TM9SF1: variants seen among roughly 807,000 people sequenced by gnomAD.
The protein encoded by TM9SF1 is transmembrane 9 superfamily member 1, also known as MP70 protein family member.
Under a neutral mutation model 52.4 loss-of-function variants are expected in TM9SF1, and 25 were observed. The ratio of observed to expected loss-of-function variants is 0.48; its 90% CI spans 0.35 to 0.67. TM9SF1 has a LOEUF of 0.67. TM9SF1 is among the 30% of genes least tolerant of loss of function. TM9SF1 has a pLI of 0.01. For synonymous variants in TM9SF1, 284 were observed against 299.8 expected (o/e 0.95, Z 0.55); for missense variants, 604 against 780.3 (o/e 0.77, Z 2.69).
rs768457649 is a variant in TM9SF1, at chr14:24,189,499, G to A, written c.1737C>T (p.Val579=). 6.2e-7 allele frequency: 1 copy of A among 1,614,196 alleles called. No individual in the cohort carries two copies. Among genetic ancestry groups the A allele is most frequent in the East Asian group, 2.2e-5 (1 of 44,880 alleles). Residue 579 remains valine, a synonymous_variant, in exon 6 of 6, where the codon GTC becomes GTT. Coordinates refer to ENST00000261789, the MANE Select transcript of TM9SF1 (RefSeq NM_006405.7). ...FFGYSLLTGY[V]FFLMLGTISF... is the part of the protein sequence containing the mutation. ...AGATGGTGCCCAGCATGAGGAAGAAGACATAACCAGTGAGTAAGGAGTAGC... is the reference window on the plus strand; with the variant it reads ...AGATGGTGCCCAGCATGAGGAAGAAAACATAACCAGTGAGTAAGGAGTAGC...
At chr14:24,193,999 G>A (rs1359063882) in intron 2 of TM9SF1, among the ~76,000 whole-genome samples, 1 of 151,942 alleles carries the variant, frequency 6.6e-6, no homozygotes, top group Non-Finnish European at 1.5e-5. Flanking sequence ...TGTCATAGTG[G>A]GGTTATCCCG....
chr14:24,190,576 T>C lies in TM9SF1; in HGVS notation c.1231A>G (p.Thr411Ala), dbSNP rs1330224358. ...NGSTQALPAT[T>A]ILLLLTVWLL... ...CAAACCGTCAGAAGCAGCAGGATGGTTGTGGCTGGCAGAGCCTGTGTCGAA... is the reference window on the plus strand; with the variant it reads ...CAAACCGTCAGAAGCAGCAGGATGGCTGTGGCTGGCAGAGCCTGTGTCGAA... The change falls in exon 5 of 6, where the codon ACC becomes GCC. Residue 411 changes from threonine (T) to alanine (A), a missense_variant. Thr to Ala is a moderately conservative substitution (Grantham distance 58). Coordinates refer to ENST00000261789, the MANE Select transcript of TM9SF1 (RefSeq NM_006405.7). The C allele has an allele frequency of 1.2e-6, 2 of 1,614,136 alleles. No individual in the cohort carries two copies. Among genetic ancestry groups the C allele is most frequent in the Non-Finnish European group, 1.7e-6 (2 of 1,180,032 alleles).
At chr14:24,189,864 TGGCTG>T in intron 5 of TM9SF1, 56 bp from the exon 6 acceptor site, 1 of 1,517,536 alleles carries the variant, frequency 6.6e-7, no homozygotes, top group Non-Finnish European at 8.8e-7. Context: ...ATCAGCACAG[TGGCTG>T]GGCTGAAATC....
Position 24,195,013 on chromosome 14 carries a change from C to T in TM9SF1, c.7G>A (p.Val3Ile). 6.2e-7 allele frequency: 1 copy of T among 1,613,496 alleles called. No individual in the cohort carries two copies. Among genetic ancestry groups the T allele is most frequent in the Non-Finnish European group, 8.5e-7 (1 of 1,179,678 alleles). Reference protein sequence around the residue: MTVVGNPRSWSCQ... With the variant: MTIVGNPRSWSCQ... ...CTCCAACTTCGAGGGTTCCCTACGA[C>T]TGTCATCCTTAAGGCAGTGGAACCT... The change falls in exon 2 of 6, where the codon GTC becomes ATC. Residue 3 changes from valine (V) to isoleucine (I), a missense_variant. Around this residue, in one of 3 missense-constraint regions of TM9SF1, gnomAD observed 47 missense variants for 39.7 expected, o/e 1.18. Transcript: ENST00000261789.
In TM9SF1 at chr14:24,192,506, A is replaced by G. The variant is rs992182681; in HGVS notation, c.967+142T>C. ...CTATCCAGAAAATCTACAATAGAAT[A>G]CGTGCATTCTTGCTAGAGCCACCCT... On this transcript the variant is annotated intron_variant, in intron 3 of 5. Transcript: ENST00000261789. The surrounding 1 kb of genome is among the most constrained non-coding windows in gnomAD (Gnocchi z 4.0). The G allele has an allele frequency of 1.3e-5, 17 of 1,353,998 alleles. No homozygotes were observed. The African/African-American group carries it at 1.6e-4, about 13-fold the overall frequency. The allele number at this position is 1,353,998 out of a possible 1,614,324, so 83.9% of individuals were successfully genotyped here.
At position 24,192,002 on chromosome 14, in the gene TM9SF1, G is replaced by C. The variant is rs966431593; in HGVS notation, c.1153+169C>G. 1.2e-5 allele frequency: 8 copies of C among 666,550 alleles called. No individual in the cohort carries two copies. Among genetic ancestry groups the C allele is most frequent in the East Asian group, 1.0e-4 (4 of 38,102 alleles). The allele number at this position is 666,550 out of a possible 1,614,324, so 41.3% of individuals were successfully genotyped here. A position where few individuals can be genotyped will look rare whatever the true frequency, so the allele number is the denominator to read the frequency against. On this transcript the variant is annotated intron_variant, in intron 4 of 5. Coordinates refer to ENST00000261789, the MANE Select transcript of TM9SF1 (RefSeq NM_006405.7). This position sits in a 1 kb window ranked among gnomAD's most constrained non-coding sequence, Gnocchi z 4.0. ...CGGCTAATTTTTTGTTATAGAGAGA[G>C]GGTCTCACTATGTTGTCTAGGCTTG...
rs1044176566 is a variant in TM9SF1 at position 24,191,959 on chromosome 14, G to A, written c.1153+212C>T. Reference sequence around the variant, plus strand: ...AGCCTCCCAAGTAGCTGGGATTACAGATGTGAACCACCATGCCCGGCTAAT... The same window carrying A: ...AGCCTCCCAAGTAGCTGGGATTACAAATGTGAACCACCATGCCCGGCTAAT... On this transcript the variant is annotated intron_variant, in intron 4 of 5. Transcript: ENST00000261789. 53 of 505,878 alleles carry A rather than the reference G, an allele frequency of 1.0e-4. No homozygotes were observed. The Middle Eastern group carries it at 2.2e-3, about 21-fold the overall frequency. The allele number at this position is 505,878 out of a possible 1,614,324, so 31.3% of individuals were successfully genotyped here. A position where few individuals can be genotyped will look rare whatever the true frequency, so the allele number is the denominator to read the frequency against.
chr14:24,189,459 G>A lies in TM9SF1; in HGVS notation c.1777C>T (p.Leu593=). ...ACATAGATATACCGGATGAACTTTAGGGAAGAAAAAAAGGAGATGGTGCCC... is the reference window on the plus strand; with the variant it reads ...ACATAGATATACCGGATGAACTTTAAGGAAGAAAAAAAGGAGATGGTGCCC... ...MLGTISFFSS[L]KFIRYIYVNL... is the part of the protein sequence containing the mutation. Residue 593 remains leucine, a synonymous_variant, in exon 6 of 6, where the codon CTA becomes TTA. Coordinates refer to ENST00000261789, the MANE Select transcript of TM9SF1 (RefSeq NM_006405.7). 6.2e-7 allele frequency: 1 copy of A among 1,614,064 alleles called. No homozygotes were observed. Among genetic ancestry groups the A allele is most frequent in the Non-Finnish European group, 8.5e-7 (1 of 1,180,000 alleles).
At chr14:24,195,121 TC>T in intron 1 of TM9SF1, 85 bp from the exon 2 acceptor site, 1 of 908,660 alleles carries the variant, frequency 1.1e-6, no homozygotes, top group Non-Finnish European at 1.7e-6. Context: ...GTCCCCTGGC[TC>T]CACTTGCTCC....
chr14:24,192,475 G>A lies in TM9SF1; in HGVS notation c.968-119C>T. On this transcript the variant is annotated intron_variant, in intron 3 of 5. Transcript: ENST00000261789. The surrounding 1 kb of genome is among the most constrained non-coding windows in gnomAD (Gnocchi z 4.0). ...GCCTCCAGCAAAACAATCTCCCCCA[G>A]TTTTGCTATCCAGAAAATCTACAAT... is the stretch of plus-strand genomic sequence containing the variant. 2 of 1,391,206 alleles carry A rather than the reference G, an allele frequency of 1.4e-6. No homozygotes were observed. The highest frequency in any genetic ancestry group is 1.3e-5 in the South Asian group (1 of 74,764). 86.2% of individuals were successfully genotyped at this position (1,391,206 alleles called of 1,614,324 possible).
intron 5 of TM9SF1, 145 bp downstream of exon 5, chr14:24,190,235 G>A: frequency 1.3e-6 from 2 of 1,488,130 alleles, no homozygotes; most frequent in Non-Finnish European, 1.8e-6. Context: ...TCCTGCTTGG[G>A]GATAGGAGGA....
Position 24,192,286 on chromosome 14 carries a change from G to A in TM9SF1, c.1038C>T (p.Ile346=), listed in dbSNP as rs935425519. The A allele has an allele frequency of 3.1e-6, 5 of 1,614,084 alleles. No individual in the cohort carries two copies. In the African/African-American group the frequency reaches 5.3e-5, roughly 17 times the overall value. ...TGCAGCAGGTCAGGGCATACAACAA[G>A]ATGGCTGCTGAGTTAATGGCCCCAT... ...HRHGAINSAA[I]LLYALTCCIS... Residue 346 remains isoleucine (I), a synonymous_variant, in exon 4 of 6, where the codon ATC becomes ATT. Transcript: ENST00000261789. This position sits in a 1 kb window ranked among gnomAD's most constrained non-coding sequence, Gnocchi z 4.0.
Position 24,192,772 on chromosome 14 carries a change from A to G in TM9SF1, c.843T>C (p.Asp281=), listed in dbSNP as rs2039341704. 6.2e-7 allele frequency: 1 copy of G among 1,614,198 alleles called. No homozygotes were observed. Among genetic ancestry groups the G allele is most frequent in the Non-Finnish European group, 8.5e-7 (1 of 1,180,028 alleles). Residue 281 remains aspartate, a synonymous_variant, in exon 3 of 6, where the codon GAT becomes GAC. Transcript: ENST00000261789. This position sits in a 1 kb window ranked among gnomAD's most constrained non-coding sequence, Gnocchi z 4.0. ...DEETTSAGSG[D]DFDQGDNGWK... ...AGCCATTGTCACCCTGGTCAAAGTC[A>G]TCACCAGAACCTGCAGAGGTGGTCT...
chr14:24,194,990 C>G lies in TM9SF1; in HGVS notation c.30G>C (p.Trp10Cys), dbSNP rs1414142060. The G allele has an allele frequency of 1.9e-6, 3 of 1,614,098 alleles. No individual in the cohort carries two copies. MTVVGNPRS[W>C]SCQWLPILIL... Reference sequence around the variant, plus strand: ...TCAGGATTGGCAACCACTGGCAGCTCCAACTTCGAGGGTTCCCTACGACTG... The same window carrying G: ...TCAGGATTGGCAACCACTGGCAGCTGCAACTTCGAGGGTTCCCTACGACTG... The change falls in exon 2 of 6, where the codon TGG (tryptophan) becomes TGC (cysteine). Residue 10 changes from tryptophan to cysteine, a missense_variant. Physicochemically the swap from Trp to Cys is radical, Grantham distance 215 (BLOSUM62 -2). Coordinates refer to ENST00000261789, the MANE Select transcript of TM9SF1 (RefSeq NM_006405.7).
At chr14:24,190,864 T>TG (rs2039312982) in intron 4 of TM9SF1, among the ~76,000 whole-genome samples, 1 of 134,404 alleles carries the variant, frequency 7.4e-6, no homozygotes, top group Non-Finnish European at 1.6e-5. Context: ...TTTTTTTTTT[T>TG]TTTTTTTTTT....
Position 24,189,825 on chromosome 14 carries a change from T to A in TM9SF1, c.1428-17A>T. The A allele has an allele frequency of 1.3e-6, 2 of 1,588,918 alleles. No homozygotes were observed. Among genetic ancestry groups the A allele is most frequent in the Non-Finnish European group, 1.7e-6 (2 of 1,164,836 alleles). On this transcript the variant is annotated splice_polypyrimidine_tract_variant and intron_variant, in intron 5 of 5. Coordinates refer to ENST00000261789, the MANE Select transcript of TM9SF1 (RefSeq NM_006405.7). ...GAGATGGCACTGTGAAGAAAAGAGATGATACACAGCATTAAAGGGCTGTGC... is the reference window on the plus strand; with the variant it reads ...GAGATGGCACTGTGAAGAAAAGAGAAGATACACAGCATTAAAGGGCTGTGC...
intron 2 of TM9SF1, among the ~76,000 whole-genome samples, chr14:24,194,166 T>C (rs948942649): frequency 6.6e-5 from 10 of 152,162 alleles, no homozygotes; most frequent in East Asian, 1.9e-4. Context: ...CTCTAGTATG[T>C]TGAGATTCTC....
At chr14:24,190,753 G>C (rs1292443519) in intron 4 of TM9SF1, 100 bp from the exon 5 acceptor site, 2 of 1,085,540 alleles carry the variant, frequency 1.8e-6, no homozygotes. Flanking sequence ...GGCTGAAGCA[G>C]CCTGCCACTC....
Position 24,189,382 on chromosome 14 carries a change from G to A in TM9SF1, c.*33C>T. On this transcript the variant is annotated 3_prime_UTR_variant, in exon 6 of 6. Transcript: ENST00000261789. The stretch of plus-strand genomic sequence containing the variant: ...AGAGTTCAACAGGGCATGAAGAAAG[G>A]GAGAGAACAGCAATAGTTCTGCCAT... 1 of 1,579,810 alleles carries A rather than the reference G, an allele frequency of 6.3e-7. No individual in the cohort carries two copies. Among genetic ancestry groups the A allele is most frequent in the Non-Finnish European group, 8.6e-7 (1 of 1,162,468 alleles).
Sources: allele counts gnomAD v4.1 joint callset (sites outside exome capture counted in the v4.1 genomes callset), GRCh38; gene constraint gnomAD v4.1.1; regional missense constraint gnomAD v4.1.1; non-coding constraint Gnocchi (gnomAD v3.1); transcripts MANE v1.5; gene names NCBI Gene and HGNC (gene_info 2026-07-23, HGNC 2026-07-21).